ARSG: variants seen among roughly 807,000 people sequenced by gnomAD.
The protein encoded by ARSG is ASG.
In ARSG, 37 loss-of-function variants were observed where a neutral mutation model predicts 50.5. The observed-to-expected ratio is 0.73, with a 90% confidence interval of 0.56 to 0.96. The LOEUF is 0.96. Ranked by LOEUF, ARSG falls within the 50% of genes least tolerant of loss-of-function variation. The pLI is 0.00. For synonymous variants in ARSG, 225 were observed against 254.6 expected, an observed-to-expected ratio of 0.88 and a Z score of 1.11; for missense variants, 629 against 675.3, an observed-to-expected ratio of 0.93 and a Z score of 0.76.
chr17:68,360,457 C>T (rs1002483957), intron 6 of ARSG, among the ~76,000 whole-genome samples: 2 of 152,224 alleles, frequency 1.3e-5, no homozygotes, highest in Admixed American at 1.3e-4. Context: ...CAAGGGGGCC[C>T]ACCCTGGGAC....
rs142492464 is a variant in ARSG at position 68,378,405 on chromosome 17, C to T, written c.983-6659C>T. On this transcript the variant is annotated intron_variant, in intron 8 of 11. Transcript: ENST00000621439. This position sits in a 1 kb window ranked among gnomAD's most constrained non-coding sequence, Gnocchi z 4.4. ...CTTCCCTTTCCTTTCCTGGCCGAGC[C>T]GCCCAGCTCAGCTGATGGGATGAGG... Among the ~76,000 whole-genome samples, 6 of 152,330 alleles carry T rather than the reference C, an allele frequency of 3.9e-5. No individual in the cohort carries two copies. The highest frequency in any genetic ancestry group is 2.0e-4 in the Admixed American group (3 of 15,290).
chr17:68,333,778 A>G (rs2077893594), intron 2 of ARSG, among the ~76,000 whole-genome samples: 1 of 152,100 alleles, frequency 6.6e-6, no homozygotes, highest in African/African-American at 2.4e-5. Flanking sequence ...CTGGGTAGAG[A>G]TGAATATTTG....
chr17:68,401,568 G>A (rs1453786930), intron 11 of ARSG, 118 bp downstream of exon 11: 9 of 871,406 alleles, frequency 1.0e-5, no homozygotes, highest in Non-Finnish European at 1.6e-5. Flanking sequence ...GGGGTTCTCA[G>A]CACCTCTTGA....
chr17:68,422,666 T>C (rs551380047), downstream of ARSG: 2 of 143,826 alleles, frequency 1.4e-5, no homozygotes, highest in Admixed American at 7.4e-5. Context: ...GAGGTGGAGG[T>C]TGCAGTGAGT....
intron 1 of ARSG, among the ~76,000 whole-genome samples, chr17:68,276,853 T>TATTC (rs1388853709): frequency 6.6e-6 from 1 of 152,208 alleles, no homozygotes; most frequent in Non-Finnish European, 1.5e-5. Context: ...CTGGCATGTA[T>TATTC]ATTCAATAGC....
intron 6 of ARSG, among the ~76,000 whole-genome samples, chr17:68,366,257 A>C (rs1208289458): frequency 2.0e-5 from 3 of 152,126 alleles, no homozygotes. Flanking sequence ...AAATAAAATA[A>C]AATTTATTTA....
chr17:68,435,830 C>G, the ARSG span: 4 of 911,286 alleles, frequency 4.4e-6, no homozygotes, highest in Non-Finnish European at 7.0e-6. Flanking sequence ...CTGTCTCTTC[C>G]TCTGTCCCCC....
At chr17:68,430,009 A>C in the ARSG span, 1 of 1,614,086 alleles carries the variant, frequency 6.2e-7, no homozygotes, top group African/African-American at 1.3e-5. Context: ...GAGAGGGTAC[A>C]GATGTTCCTC....
intron 2 of ARSG, among the ~76,000 whole-genome samples, chr17:68,331,764 A>G (rs1450941438): frequency 6.6e-6 from 1 of 152,128 alleles, no homozygotes; most frequent in Non-Finnish European, 1.5e-5. Flanking sequence ...AGTACAAAAC[A>G]GAGAAATTTT....
At chr17:68,425,059 T>G (rs188242444), downstream of ARSG, among the ~76,000 whole-genome samples, 137 of 152,220 alleles carry the variant, frequency 9.0e-4, no homozygotes, top group African/African-American at 3.2e-3. Flanking sequence ...CAGTTCCAGG[T>G]GATGGAAGAA....
intron 1 of ARSG, among the ~76,000 whole-genome samples, chr17:68,278,710 C>T (rs1277760904): frequency 6.6e-6 from 1 of 150,772 alleles, no homozygotes; most frequent in Non-Finnish European, 1.5e-5. Context: ...ATCTCGGCCT[C>T]CCGGGTTCAA....
chr17:68,423,152 G>A (rs2147682190), downstream of ARSG, among the ~76,000 whole-genome samples: 1 of 152,284 alleles, frequency 6.6e-6, no homozygotes, highest in Middle Eastern at 3.4e-3. This position sits in a 1 kb window ranked among gnomAD's most constrained non-coding sequence, Gnocchi z 4.4. Context: ...GCCTTTTGTG[G>A]TCCTAGAAGA....
At chr17:68,265,812 T>A (rs1377637516) in intron 1 of ARSG, among the ~76,000 whole-genome samples, 1 of 151,770 alleles carries the variant, frequency 6.6e-6, no homozygotes, top group African/African-American at 2.4e-5. Context: ...TGTGTGAAAA[T>A]CTTGTGAAAT....
At chr17:68,404,382 G>A (rs2081614319) in intron 11 of ARSG, among the ~76,000 whole-genome samples, 1 of 152,136 alleles carries the variant, frequency 6.6e-6, no homozygotes, top group African/African-American at 2.4e-5. Context: ...AAAGTGAAAG[G>A]CCCAGATCTA....
chr17:68,370,087 T>C (rs1599918761), intron 7 of ARSG, among the ~76,000 whole-genome samples: 3 of 152,208 alleles, frequency 2.0e-5, no homozygotes, highest in African/African-American at 4.8e-5. Flanking sequence ...GGATCTCGCG[T>C]CACTGCAACC....
chr17:68,330,981 G>A (rs866336613), intron 2 of ARSG, among the ~76,000 whole-genome samples: 3 of 127,124 alleles, frequency 2.4e-5, no homozygotes, highest in Admixed American at 7.7e-5. Flanking sequence ...TTTTTTGCGG[G>A]GGGGGGGGGA....
intron 2 of ARSG, among the ~76,000 whole-genome samples, chr17:68,331,177 G>GTTTCTTTCTTTCTTTCTTTCTTTC (rs71142163): frequency 2.2e-4 from 26 of 119,022 alleles, no homozygotes; most frequent in African/African-American, 6.1e-4. Flanking sequence ...CAAAGACAGG[G>GTTTCTTTCTTTCTTTCTTTCTTTC]TTTCTTTCTT....
intron 9 of ARSG, among the ~76,000 whole-genome samples, chr17:68,389,154 C>T (rs2080873523): frequency 6.6e-6 from 1 of 152,144 alleles, no homozygotes; most frequent in Admixed American, 6.5e-5. Flanking sequence ...GGCCTAACCA[C>T]ATGTCGCCTT....
At chr17:68,407,840 C>G (rs190453030) in intron 11 of ARSG, among the ~76,000 whole-genome samples, 2 of 151,902 alleles carry the variant, frequency 1.3e-5, no homozygotes, top group African/African-American at 4.8e-5. Context: ...ATTTGAATGC[C>G]CTTTTACTGA....
Sources: allele counts gnomAD v4.1 joint callset (sites outside exome capture counted in the v4.1 genomes callset), GRCh38; gene constraint gnomAD v4.1.1; non-coding constraint Gnocchi (gnomAD v3.1); transcripts MANE v1.5; gene names NCBI Gene and HGNC (gene_info 2026-07-23, HGNC 2026-07-21).